GLI3: variants seen among roughly 807,000 people sequenced by gnomAD.
GLI3 encodes transcription activator GLI3.
Under a neutral mutation model 100.8 loss-of-function variants are expected in GLI3, and 20 were observed. The ratio of observed to expected loss-of-function variants is 0.20; its 90% confidence interval spans 0.14 to 0.29. The LOEUF is 0.29. GLI3 is among the 10% of genes least tolerant of loss of function. The pLI, the probability that GLI3 is intolerant of heterozygous loss-of-function variation, is 1.00. For missense variants in GLI3, 2,040 were observed against 2,128.5 expected, an observed-to-expected ratio of 0.96 and a Z score of 0.82; for synonymous variants, 938 against 860.5, an observed-to-expected ratio of 1.09 and a Z score of -1.58.
In GLI3 at chr7:42,079,524, A is replaced by G. The variant is rs142184338; in HGVS notation, c.368-2667T>C. 8.3e-3 allele frequency among the ~76,000 whole-genome samples: 1,268 copies of G among 152,336 alleles called. 21 individuals are homozygous for G. Among genetic ancestry groups the G allele is most frequent in the African/African-American group, 0.029 (1,204 of 41,572 alleles). Reference sequence around the variant, plus strand: ...GCTATCACTGCCAATGCAAACACGCATGCCCCCTGCAGACTTCTTACTTAA... The same window carrying G: ...GCTATCACTGCCAATGCAAACACGCGTGCCCCCTGCAGACTTCTTACTTAA... On this transcript the variant is annotated intron_variant, in intron 3 of 14. Coordinates refer to ENST00000395925, the MANE Select transcript of GLI3 (RefSeq NM_000168.6).
intron 13 of GLI3, among the ~76,000 whole-genome samples, chr7:41,971,586 C>T (rs1787365139): frequency 6.6e-6 from 1 of 152,210 alleles, no homozygotes; most frequent in South Asian, 2.1e-4. Flanking sequence ...AGATTGCCTA[C>T]TGAATCTTCC....
chr7:42,054,238 T>C (rs976340097), intron 4 of GLI3, among the ~76,000 whole-genome samples: 59 of 152,234 alleles, frequency 3.9e-4, no homozygotes, highest in African/African-American at 1.4e-3. Context: ...TTAAAACATG[T>C]TGCAGAGAAT....
chr7:42,226,274 T>C (rs991052852), intron 1 of GLI3, among the ~76,000 whole-genome samples: 1 of 152,198 alleles, frequency 6.6e-6, no homozygotes, highest in Non-Finnish European at 1.5e-5. Context: ...CATTCAGAGA[T>C]GGGATTCCTA....
intron 3 of GLI3, among the ~76,000 whole-genome samples, chr7:42,091,658 C>A (rs532668366): frequency 2.0e-5 from 3 of 152,246 alleles, no homozygotes; most frequent in Non-Finnish European, 4.4e-5. Flanking sequence ...AGAATCCAGC[C>A]GCTCTCTTCT....
At chr7:42,062,195 G>T (rs148014393) in intron 4 of GLI3, among the ~76,000 whole-genome samples, 1 of 152,162 alleles carries the variant, frequency 6.6e-6, no homozygotes, top group African/African-American at 2.4e-5. Context: ...AAGGTTTAAG[G>T]CCCCATTTGT....
chr7:42,077,203 G>C (rs944564788), intron 3 of GLI3, among the ~76,000 whole-genome samples: 1 of 152,124 alleles, frequency 6.6e-6, no homozygotes, highest in Admixed American at 6.5e-5. Flanking sequence ...AAGGGGAAGA[G>C]ATTAAAACAC....
At chr7:42,119,129 A>G (rs1309535609) in intron 3 of GLI3, among the ~76,000 whole-genome samples, 1 of 152,218 alleles carries the variant, frequency 6.6e-6, no homozygotes, top group African/African-American at 2.4e-5. Flanking sequence ...CAACAAGGGA[A>G]GCCGAGGCCT....
At chr7:42,092,967 C>T (rs1390627791) in intron 3 of GLI3, among the ~76,000 whole-genome samples, 1 of 151,900 alleles carries the variant, frequency 6.6e-6, no homozygotes, top group East Asian at 2.0e-4. Context: ...ACACCCGCCA[C>T]CACGCCTGGC....
rs6972617 is a variant in GLI3, at chr7:42,149,065, A to G, written c.125-597T>C. On this transcript the variant is annotated intron_variant, in intron 2 of 14. Transcript: ENST00000395925. ...AGAGATTTGACAGAGCCAAAAATGGAACAGAAAACTCATTGGTGAAAAGGG... is the reference window on the plus strand; with the variant it reads ...AGAGATTTGACAGAGCCAAAAATGGGACAGAAAACTCATTGGTGAAAAGGG... 3.5e-3 allele frequency among the ~76,000 whole-genome samples: 532 copies of G among 152,334 alleles called. 5 individuals carry two copies. The highest frequency in any genetic ancestry group is 0.012 in the African/African-American group (513 of 41,580).
At chr7:42,214,459 GA>G (rs1324110731) in intron 2 of GLI3, among the ~76,000 whole-genome samples, 10 of 86,720 alleles carry the variant, frequency 1.2e-4, no homozygotes, top group African/African-American at 1.7e-4. Context: ...TACAACTAAA[GA>G]AAAAAAAAAG....
intron 3 of GLI3, among the ~76,000 whole-genome samples, chr7:42,087,326 C>T (rs1212678164): frequency 6.6e-6 from 1 of 152,112 alleles, no homozygotes; most frequent in Non-Finnish European, 1.5e-5. Context: ...CAGAGTGAGC[C>T]CAGGGCCAAG....
intron 4 of GLI3, among the ~76,000 whole-genome samples, chr7:42,072,416 T>C (rs957238788): frequency 1.4e-4 from 21 of 152,232 alleles, no homozygotes; most frequent in African/African-American, 4.8e-4. Context: ...TTTGGGTTTC[T>C]ACAAATACAC....
intron 2 of GLI3, 142 bp downstream of exon 2, chr7:42,222,987 TC>T: frequency 6.5e-6 from 5 of 765,786 alleles, no homozygotes; most frequent in East Asian, 3.2e-5. Context: ...CCCCCCGCCG[TC>T]CCCCCGCCCC....
At position 42,121,122 on chromosome 7, in the gene GLI3, C is replaced by T. The variant is rs374143055; in HGVS notation, c.367+27104G>A. ...AGACAGACGACTCTCTTTCCCTCTT[C>T]GACTTGAATCACACCTCCCCACCTG... On this transcript the variant is annotated intron_variant, in intron 3 of 14. Coordinates refer to ENST00000395925, the MANE Select transcript of GLI3 (RefSeq NM_000168.6). 1.6e-4 allele frequency among the ~76,000 whole-genome samples: 24 copies of T among 152,324 alleles called. No homozygotes were observed. The East Asian group carries it at 4.2e-3, about 27-fold the overall frequency.
chr7:42,125,213 G>C (rs188887043), intron 3 of GLI3, among the ~76,000 whole-genome samples: 2 of 152,212 alleles, frequency 1.3e-5, no homozygotes, highest in African/African-American at 4.8e-5. Context: ...GGAGAGGTAA[G>C]GGGAAAGAAA....
At chr7:42,115,885 C>A (rs889038328) in intron 3 of GLI3, among the ~76,000 whole-genome samples, 12 of 152,066 alleles carry the variant, frequency 7.9e-5, no homozygotes, top group Non-Finnish European at 1.5e-5. Flanking sequence ...CAAGTGTTAA[C>A]AACTGTCATA....
At chr7:42,106,857 C>G (rs1269789625) in intron 3 of GLI3, among the ~76,000 whole-genome samples, 1 of 147,604 alleles carries the variant, frequency 6.8e-6, no homozygotes, top group African/African-American at 2.5e-5. Context: ...CATATTTGGA[C>G]AAATATCTGG....
At chr7:42,253,607 C>T (rs1789055712) in intron 1 of GLI3, among the ~76,000 whole-genome samples, 1 of 152,198 alleles carries the variant, frequency 6.6e-6, no homozygotes, top group African/African-American at 2.4e-5. Context: ...AGCCAGACTG[C>T]TTAGGTTTGA....
rs143458716 is a variant in GLI3, at chr7:42,211,113, C to T, written c.124+12017G>A. ...TGGATAAAAATATTCTAATTTTGTACGAAACTGATCAAAGAAAGTGCTTTG... is the reference window on the plus strand; with the variant it reads ...TGGATAAAAATATTCTAATTTTGTATGAAACTGATCAAAGAAAGTGCTTTG... On this transcript the variant is annotated intron_variant, in intron 2 of 14. Transcript: ENST00000395925. Among the ~76,000 whole-genome samples, 643 of 150,700 alleles carry T rather than the reference C, an allele frequency of 4.3e-3. 4 individuals carry two copies. Among genetic ancestry groups the T allele is most frequent in the African/African-American group, 0.014 (577 of 40,280 alleles).
Sources: gnomAD v4.1 joint callset for allele counts (sites outside exome capture counted in the v4.1 genomes callset) on GRCh38, gnomAD v4.1.1 for gene constraint, MANE v1.5 for transcripts, NCBI Gene and HGNC (gene_info 2026-07-23, HGNC 2026-07-21) for gene names.